PLBD1: variants seen among roughly 807,000 people sequenced by gnomAD.
PLBD1 encodes the protein lysosomal leucine aminopeptidase.
A neutral mutation model predicts 63.0 loss-of-function variants in PLBD1; 60 were observed. The observed-to-expected ratio is 0.95, with a 90% CI of 0.77 to 1.18. PLBD1 has a LOEUF of 1.18. PLBD1 is among the 50% of genes most tolerant of loss of function. The pLI, the probability that PLBD1 is intolerant of heterozygous loss-of-function variation, is 0.00. For synonymous variants in PLBD1, 262 were observed against 248.0 expected, an observed-to-expected ratio of 1.06 and a Z score of -0.53; for missense variants, 598 against 677.9, an observed-to-expected ratio of 0.88 and a Z score of 1.31.
chr12:14,538,208 T>TA (rs1461726687), intron 4 of PLBD1, among the ~76,000 whole-genome samples: 10 of 152,024 alleles, frequency 6.6e-5, no homozygotes, highest in East Asian at 5.8e-4. Context: ...TTTATTTATT[T>TA]TTGAGACAGA....
At chr12:14,523,724 G>A (rs1945395664) in intron 6 of PLBD1, among the ~76,000 whole-genome samples, 1 of 152,092 alleles carries the variant, frequency 6.6e-6, no homozygotes, top group Non-Finnish European at 1.5e-5. Flanking sequence ...AACACACATT[G>A]GAAAAAATTC....
At chr12:14,544,520 T>C (rs1161196187) in intron 2 of PLBD1, among the ~76,000 whole-genome samples, 2 of 152,210 alleles carry the variant, frequency 1.3e-5, no homozygotes, top group East Asian at 3.8e-4. Context: ...TTGTCAATTA[T>C]TGCTTATCTG....
At chr12:14,519,536 A>G (rs2136910298) in intron 6 of PLBD1, among the ~76,000 whole-genome samples, 1 of 151,700 alleles carries the variant, frequency 6.6e-6, no homozygotes, top group South Asian at 2.1e-4. Flanking sequence ...GGAGAATCAC[A>G]TGAACCTGGG....
chr12:14,550,752 C>A (rs1945651784), intron 2 of PLBD1, among the ~76,000 whole-genome samples: 1 of 152,050 alleles, frequency 6.6e-6, no homozygotes, highest in South Asian at 2.1e-4. Flanking sequence ...GTGGCTCATG[C>A]CTGTAATCCC....
intron 1 of PLBD1, among the ~76,000 whole-genome samples, chr12:14,563,191 T>C (rs780773760): frequency 1.3e-5 from 2 of 152,180 alleles, no homozygotes; most frequent in Non-Finnish European, 2.9e-5. Flanking sequence ...GTGTACATTA[T>C]GCAAACAAGT....
At chr12:14,542,609 C>T (rs1227867519) in intron 2 of PLBD1, among the ~76,000 whole-genome samples, 2 of 152,190 alleles carry the variant, frequency 1.3e-5, no homozygotes, top group Non-Finnish European at 2.9e-5. Flanking sequence ...CTTCCTGATG[C>T]TAATTGTTTT....
At chr12:14,522,814 T>C (rs1380935278) in intron 6 of PLBD1, among the ~76,000 whole-genome samples, 1 of 151,966 alleles carries the variant, frequency 6.6e-6, no homozygotes, top group Non-Finnish European at 1.5e-5. Context: ...AAATTCAACA[T>C]CCCCTCATGA....
At chr12:14,517,532 A>G (rs573237564) in intron 6 of PLBD1, among the ~76,000 whole-genome samples, 4 of 152,306 alleles carry the variant, frequency 2.6e-5, no homozygotes, top group African/African-American at 9.6e-5. Flanking sequence ...ATAGTTAGAT[A>G]TATTGCCTTT....
chr12:14,539,176 A>G (rs1862012), intron 4 of PLBD1, among the ~76,000 whole-genome samples: 152,176 of 152,240 alleles, frequency 1, 76,056 homozygotes, highest in Middle Eastern at 1. Context: ...ACATTGGAAC[A>G]CTGCTTAGAA....
At chr12:14,507,352 G>A (rs1227271934) in intron 8 of PLBD1, among the ~76,000 whole-genome samples, 2 of 152,138 alleles carry the variant, frequency 1.3e-5, no homozygotes, top group Non-Finnish European at 2.9e-5. Context: ...GGGAAGAAGA[G>A]CATCAGAATT....
chr12:14,506,292 G>A (rs571267090), intron 9 of PLBD1, 24 bp from the exon 10 acceptor site: 5 of 1,511,558 alleles, frequency 3.3e-6, no homozygotes, highest in Non-Finnish European at 4.6e-6. Flanking sequence ...ATGGGGAAGA[G>A]AGTGATTATT....
intron 2 of PLBD1, among the ~76,000 whole-genome samples, chr12:14,552,610 T>C (rs1945668388): frequency 6.6e-6 from 1 of 152,194 alleles, no homozygotes; most frequent in South Asian, 2.1e-4. Context: ...GTCTTTAAAA[T>C]CATTTCATGG....
At chr12:14,525,225 G>T (rs1945407412) in intron 6 of PLBD1, among the ~76,000 whole-genome samples, 1 of 152,044 alleles carries the variant, frequency 6.6e-6, no homozygotes, top group Admixed American at 6.6e-5. Flanking sequence ...TCGCATCACT[G>T]AACTCCATCC....
At chr12:14,540,708 C>A in intron 4 of PLBD1, 56 bp downstream of exon 4, 1 of 1,428,328 alleles carries the variant, frequency 7.0e-7, no homozygotes, top group South Asian at 1.6e-5. Context: ...TTAAAGATAA[C>A]ATTCAATATT....
At chr12:14,552,268 C>G (rs539468647) in intron 2 of PLBD1, among the ~76,000 whole-genome samples, 1 of 152,230 alleles carries the variant, frequency 6.6e-6, no homozygotes, top group Admixed American at 6.5e-5. Flanking sequence ...TAAATTGCAA[C>G]TTTATTTTCC....
intron 2 of PLBD1, among the ~76,000 whole-genome samples, chr12:14,542,698 C>A (rs1174310574): frequency 6.6e-6 from 1 of 152,136 alleles, no homozygotes; most frequent in Admixed American, 6.6e-5. Context: ...ACTACATATA[C>A]ATTTAACCAT....
Position 14,511,495 on chromosome 12 carries a change from C to T in PLBD1, c.1045+16G>A, listed in dbSNP as rs1414173614. The T allele has an allele frequency of 3.7e-6, 6 of 1,614,052 alleles. No homozygotes were observed. The highest frequency in any genetic ancestry group is 5.1e-6 in the Non-Finnish European group (6 of 1,180,024). ...TATATGTCTGTGCCTAACAGTTATT[C>T]TGCAGGGTCACTTACCAGAGTTGTA... is the stretch of plus-strand genomic sequence containing the variant. On this transcript the variant is annotated intron_variant, in intron 7 of 10. Coordinates refer to ENST00000240617, the MANE Select transcript of PLBD1 (RefSeq NM_024829.6).
At chr12:14,555,682 G>T (rs990828604) in intron 1 of PLBD1, among the ~76,000 whole-genome samples, 1 of 152,068 alleles carries the variant, frequency 6.6e-6, no homozygotes, top group Non-Finnish European at 1.5e-5. Flanking sequence ...TCTCCAACCT[G>T]CCAGTAACTA....
chr12:14,518,409 C>T (rs1945351697), intron 6 of PLBD1, among the ~76,000 whole-genome samples: 2 of 152,208 alleles, frequency 1.3e-5, no homozygotes, highest in African/African-American at 2.4e-5. Context: ...AAAGGATTTG[C>T]TTCAAGTAAC....
Sources: allele counts gnomAD v4.1 joint callset (sites outside exome capture counted in the v4.1 genomes callset), GRCh38; gene constraint gnomAD v4.1.1; transcripts MANE v1.5; gene names NCBI Gene and HGNC (gene_info 2026-07-23, HGNC 2026-07-21).